NSD2: variants seen among roughly 807,000 people sequenced by gnomAD.
NSD2 encodes the protein histone-lysine N-methyltransferase NSD2.
A neutral mutation model predicts 139.0 loss-of-function variants in NSD2; 12 were observed. The ratio of observed to expected loss-of-function variants is 0.09; its 90% CI spans 0.06 to 0.14. The LOEUF (loss-of-function observed/expected upper bound fraction) is 0.14. Ranked by LOEUF, NSD2 falls within the 10% of genes least tolerant of loss-of-function variation. The pLI is 1.00. For synonymous variants in NSD2, 669 were observed against 648.7 expected (o/e 1.03, Z -0.48); for missense variants, 1,155 against 1,745.0 (o/e 0.66, Z 6.02).
intron 18 of NSD2, among the ~76,000 whole-genome samples, chr4:1,970,590 G>A (rs915194575): frequency 6.6e-6 from 1 of 152,148 alleles, no homozygotes; most frequent in South Asian, 2.1e-4. Context: ...CAGGGAGAAA[G>A]GAGGGTAAGT....
At chr4:1,926,321 A>C (rs1720910810) in intron 5 of NSD2, among the ~76,000 whole-genome samples, 1 of 150,674 alleles carries the variant, frequency 6.6e-6, no homozygotes, top group East Asian at 2.0e-4. Flanking sequence ...CGCCCAGCTA[A>C]TTTTTGTATT....
At chr4:1,929,905 G>C (rs1299246491) in intron 5 of NSD2, among the ~76,000 whole-genome samples, 1 of 152,112 alleles carries the variant, frequency 6.6e-6, no homozygotes, top group Admixed American at 6.5e-5. Context: ...AAACCCCCAG[G>C]TTATTACCAG....
rs571082337 is a variant in NSD2 at position 1,924,755 on chromosome 4, A to AC, written c.1411-5871_1411-5870insC. ...GTGAGACTCTCATCTCTACAAAAAA[A>AC]AAAACAAAACAAAACAAGAAAATTA... On this transcript the variant is annotated intron_variant, in intron 5 of 21. Coordinates refer to ENST00000508803, the MANE Select transcript of NSD2 (RefSeq NM_001042424.3). Among the ~76,000 whole-genome samples, 83 of 151,974 alleles carry AC rather than the reference A, an allele frequency of 5.5e-4. 1 individual carries two copies. Among genetic ancestry groups the AC allele is most frequent in the African/African-American group, 1.9e-3 (78 of 41,490 alleles).
At chr4:1,968,585 G>A (rs375263146) in intron 18 of NSD2, among the ~76,000 whole-genome samples, 6 of 152,116 alleles carry the variant, frequency 3.9e-5, no homozygotes, top group African/African-American at 7.2e-5. Context: ...TAGAACCTGC[G>A]GGAGGAAGAT....
chr4:1,889,753 C>A (rs148963789), intron 1 of NSD2, among the ~76,000 whole-genome samples: 1 of 152,066 alleles, frequency 6.6e-6, no homozygotes, highest in East Asian at 1.9e-4. Flanking sequence ...GTGATACACC[C>A]GCCTTGACCT....
Position 1,976,283 on chromosome 4 carries a change from G to T in NSD2, c.3622-192G>T. 1.6e-6 allele frequency: 1 copy of T among 629,650 alleles called. No individual in the cohort carries two copies. 39.0% of individuals were successfully genotyped at this position (629,650 alleles called of 1,614,324 possible). On this transcript the variant is annotated intron_variant, in intron 20 of 21. Coordinates refer to ENST00000508803, the MANE Select transcript of NSD2 (RefSeq NM_001042424.3). This position sits in a 1 kb window ranked among gnomAD's most constrained non-coding sequence, Gnocchi z 5.3. ...TCACTCTAGTCGTAGTCTTTGTTCA[G>T]CTTTTTCACGCTGAGTCGAGTGAGT... is the stretch of plus-strand genomic sequence containing the variant.
Position 1,901,345 on chromosome 4 carries a change from G to C in NSD2, c.597+94G>C. On this transcript the variant is annotated intron_variant, in intron 2 of 21. Coordinates refer to ENST00000508803, the MANE Select transcript of NSD2 (RefSeq NM_001042424.3). The stretch of plus-strand genomic sequence containing the variant: ...ACCTGCACGAGTACTGGGGCGGGCG[G>C]AGAAGGTGAGGACAGGCCTGGTACT... The C allele has an allele frequency of 2.6e-6, 3 of 1,153,502 alleles. No homozygotes were observed. The South Asian group carries it at 4.6e-5, about 18-fold the overall frequency. 71.5% of individuals were successfully genotyped at this position (1,153,502 alleles called of 1,614,324 possible). A position where few individuals can be genotyped will look rare whatever the true frequency, so the allele number is the denominator to read the frequency against.
rs1727828798 is a variant in NSD2 at position 1,982,138 on chromosome 4, G to C, written c.*3229G>C. 1.0e-5 allele frequency: 4 copies of C among 394,396 alleles called. No homozygotes were observed. The highest frequency in any genetic ancestry group is 1.8e-5 in the Non-Finnish European group (4 of 224,000). The allele number at this position is 394,396 out of a possible 1,614,324, so 24.4% of individuals were successfully genotyped here. ...GGGAAAATAGCATTTAAAATGGAAA[G>C]CTGTGTTTGGAAAATTGTGTATGAG... On this transcript the variant is annotated 3_prime_UTR_variant, in exon 22 of 22. Transcript: ENST00000508803.
intron 18 of NSD2, among the ~76,000 whole-genome samples, chr4:1,968,890 A>G (rs2109001177): frequency 6.6e-6 from 1 of 152,372 alleles, no homozygotes; most frequent in South Asian, 2.1e-4. Context: ...AATGTGATTC[A>G]CAGCCAAACA....
intron 11 of NSD2, chr4:1,952,997 TCAAGGAGGA>T: frequency 7.0e-7 from 1 of 1,438,100 alleles, no homozygotes; most frequent in Non-Finnish European, 9.1e-7. Flanking sequence ...CCAGCTGCTC[TCAAGGAGGA>T]AAGGCCTCTT....
At chr4:1,893,643 C>G (rs1301597772) in intron 1 of NSD2, 2 of 150,906 alleles carry the variant, frequency 1.3e-5, no homozygotes, top group Non-Finnish European at 2.9e-5. Context: ...TCTCTGCTGC[C>G]CAGGCTCAAC....
At chr4:1,878,273 T>A (rs1292577372) in intron 1 of NSD2, among the ~76,000 whole-genome samples, 6 of 121,284 alleles carry the variant, frequency 4.9e-5, no homozygotes, top group African/African-American at 1.6e-4. Context: ...TTTTTTTTTT[T>A]TTTTTTTTTT....
At chr4:1,916,081 T>TG (rs1477135478) in intron 3 of NSD2, among the ~76,000 whole-genome samples, 1 of 152,090 alleles carries the variant, frequency 6.6e-6, no homozygotes, top group Non-Finnish European at 1.5e-5. Flanking sequence ...TGGGCATCTG[T>TG]GGGGTTACTC....
At chr4:1,889,198 G>T (rs1275699328) in intron 1 of NSD2, among the ~76,000 whole-genome samples, 1 of 151,976 alleles carries the variant, frequency 6.6e-6, no homozygotes, top group African/African-American at 2.4e-5. Flanking sequence ...GCGCCCAGTC[G>T]TATATTAGTA....
intron 11 of NSD2, chr4:1,953,028 C>A: frequency 6.9e-7 from 1 of 1,442,864 alleles, no homozygotes. Flanking sequence ...TCATAGGAGC[C>A]CCTTCTTTCA....
In NSD2 at chr4:1,901,083, T is replaced by G. The variant is rs762496382; in HGVS notation, c.429T>G (p.Ile143Met). 6.2e-7 allele frequency: 1 copy of G among 1,614,180 alleles called. No homozygotes were observed. Among genetic ancestry groups the G allele is most frequent in the South Asian group, 1.1e-5 (1 of 91,078 alleles). ...GGAAGCCTCTCTTTGAATCTTCCAT[T>G]TGTGGTGACAGTGCTGCTGATGTGT... ...MNGKPLFESS[I>M]CGDSAADVSQ... The change falls in exon 2 of 22, where the codon ATT becomes ATG. Residue 143 changes from isoleucine to methionine, a missense_variant. Physicochemically the swap from Ile to Met is conservative, Grantham distance 10 (BLOSUM62 1). Around this residue, in one of 8 missense-constraint regions of NSD2, gnomAD observed 246 missense variants for 262.8 expected, o/e 0.94. Transcript: ENST00000508803.
chr4:1,953,104 G>T, intron 11 of NSD2: 1 of 1,513,980 alleles, frequency 6.6e-7, no homozygotes, highest in South Asian at 1.3e-5. Flanking sequence ...CTGTATTTCA[G>T]GTGAAGCTGG....
At chr4:1,897,505 T>G (rs1483062141) in intron 1 of NSD2, among the ~76,000 whole-genome samples, 2 of 150,542 alleles carry the variant, frequency 1.3e-5, no homozygotes, top group Non-Finnish European at 2.9e-5. Context: ...AAAAAAAAAT[T>G]GTTTGGCAGG....
At chr4:1,913,039 T>C (rs1181991543) in intron 3 of NSD2, among the ~76,000 whole-genome samples, 1 of 152,250 alleles carries the variant, frequency 6.6e-6, no homozygotes, top group African/African-American at 2.4e-5. Context: ...ATATTATTAA[T>C]CATTAGTTTG....
Sources: allele counts gnomAD v4.1 joint callset (sites outside exome capture counted in the v4.1 genomes callset), GRCh38; gene constraint gnomAD v4.1.1; regional missense constraint gnomAD v4.1.1; non-coding constraint Gnocchi (gnomAD v3.1); transcripts MANE v1.5; gene names NCBI Gene and HGNC (gene_info 2026-07-23, HGNC 2026-07-21).